DLC1: variants seen among roughly 807,000 people sequenced by gnomAD.
DLC1 encodes DLC1 Rho GTPase activating protein.
In DLC1, 54 loss-of-function variants were observed where a neutral mutation model predicts 140.3. The observed-to-expected ratio is 0.38, with a 90% CI of 0.31 to 0.48. DLC1 has a LOEUF of 0.48. Ranked by LOEUF, DLC1 falls within the 20% of genes least tolerant of loss-of-function variation. DLC1 has a pLI of 0.96. For missense variants in DLC1, 2,536 were observed against 1,907.0 expected, an observed-to-expected ratio of 1.33 and a Z score of -6.14; for synonymous variants, 986 against 728.1, an observed-to-expected ratio of 1.35 and a Z score of -5.70.
chr8:13,212,203 C>T (rs1456236425), intron 5 of DLC1, among the ~76,000 whole-genome samples: 1 of 152,122 alleles, frequency 6.6e-6, no homozygotes, highest in East Asian at 1.9e-4. Flanking sequence ...ACATACATGG[C>T]TTTTTAAAAA....
intron 2 of DLC1, among the ~76,000 whole-genome samples, chr8:13,445,281 C>A (rs1397648312): frequency 6.6e-6 from 1 of 151,950 alleles, no homozygotes; most frequent in Non-Finnish European, 1.5e-5. Context: ...ACATCTTTAA[C>A]CAGGGAACAG....
At chr8:13,363,371 G>GT (rs57084358) in intron 4 of DLC1, among the ~76,000 whole-genome samples, 65,414 of 143,964 alleles carry the variant, frequency 0.45, 15,220 homozygotes, top group East Asian at 0.76. Flanking sequence ...CATTTGCAGT[G>GT]TTTTTTTTTT....
chr8:13,452,453 C>T (rs529800930), intron 2 of DLC1, among the ~76,000 whole-genome samples: 2 of 152,230 alleles, frequency 1.3e-5, no homozygotes, highest in South Asian at 4.1e-4. Context: ...CAGATAGCCT[C>T]ATGCCCAAAT....
chr8:13,123,580 T>G (rs992369469), intron 5 of DLC1, among the ~76,000 whole-genome samples: 3 of 151,328 alleles, frequency 2.0e-5, no homozygotes, highest in Non-Finnish European at 4.4e-5. Context: ...ATTCCTGACC[T>G]CAAGTGATCT....
Position 13,401,594 on chromosome 8 carries a change from G to T in DLC1, c.1049C>A (p.Ala350Glu), listed in dbSNP as rs148727515. 6 of 1,613,452 alleles carry T rather than the reference G, an allele frequency of 3.7e-6. No homozygotes were observed. The highest frequency in any genetic ancestry group is 5.1e-6 in the Non-Finnish European group (6 of 1,179,846). Reference protein sequence around the residue: ...RKEIREDRDRARLDSMVLLIM... With the variant: ...RKEIREDRDRERLDSMVLLIM... ...CAGCAGCACCATGGAGTCCAGCCGC[G>T]CCCTATCTCGATCTTCTCTTATTTC... The change falls in exon 3 of 18, where the codon GCG becomes GAG. Residue 350 changes from alanine (A) to glutamate (E), a missense_variant. By Grantham distance (107) the Ala-to-Glu change is moderately radical (BLOSUM62 -1). Transcript: ENST00000276297.
intron 2 of DLC1, among the ~76,000 whole-genome samples, chr8:13,402,423 T>C (rs1286548812): frequency 6.6e-6 from 1 of 152,184 alleles, no homozygotes; most frequent in Non-Finnish European, 1.5e-5. Context: ...CCCTGTGTTG[T>C]ACAAGGTATT....
At position 13,589,642 on chromosome 8, in the gene DLC1, G is replaced by A. The variant is rs975857312; in HGVS notation, c.-126+14895C>T. Among the ~76,000 whole-genome samples, 3 of 149,006 alleles carry A rather than the reference G, an allele frequency of 2.0e-5. No individual in the cohort carries two copies. In the South Asian group the frequency reaches 6.3e-4, roughly 31 times the overall value. ...GCTATTTACACATTTCTTATTTGGTGAATTGTTATGTTCATCCTTTCTGCC... is the reference window on the plus strand; with the variant it reads ...GCTATTTACACATTTCTTATTTGGTAAATTGTTATGTTCATCCTTTCTGCC... On this transcript the variant is annotated intron_variant, in intron 1 of 1. Transcript: ENST00000631382.
At chr8:13,374,247 T>G (rs1835859983) in intron 4 of DLC1, among the ~76,000 whole-genome samples, 1 of 152,212 alleles carries the variant, frequency 6.6e-6, no homozygotes, top group Admixed American at 6.5e-5. Context: ...AAATCCAAGC[T>G]TCGACTTATC....
intron 2 of DLC1, among the ~76,000 whole-genome samples, chr8:13,445,803 C>G (rs192837259): frequency 9.2e-5 from 14 of 152,310 alleles, no homozygotes; most frequent in African/African-American, 3.4e-4. Flanking sequence ...CCTGAAGAAT[C>G]TGCATACTTA....
chr8:13,540,821 A>G (rs1803457388), intron 1 of DLC1, among the ~76,000 whole-genome samples: 1 of 152,228 alleles, frequency 6.6e-6, no homozygotes, highest in African/African-American at 2.4e-5. Context: ...TTTGAATGTC[A>G]GGATGGACAT....
At chr8:13,591,934 C>T (rs185577022) in intron 1 of DLC1, among the ~76,000 whole-genome samples, 47 of 151,920 alleles carry the variant, frequency 3.1e-4, no homozygotes, top group Non-Finnish European at 4.7e-4. Flanking sequence ...TTCAGTGTAC[C>T]TTGGATATTC....
chr8:13,278,597 T>A (rs542708464), intron 5 of DLC1, among the ~76,000 whole-genome samples: 1 of 152,322 alleles, frequency 6.6e-6, no homozygotes, highest in Admixed American at 6.5e-5. Flanking sequence ...GCAGCCTGGA[T>A]TCCTAACTCC....
At chr8:13,571,149 C>T (rs968980879) in intron 1 of DLC1, among the ~76,000 whole-genome samples, 2 of 152,068 alleles carry the variant, frequency 1.3e-5, no homozygotes, top group African/African-American at 4.8e-5. Context: ...ATACGAACAC[C>T]AAAGATAGTT....
At chr8:13,461,386 G>A (rs1799649779) in intron 2 of DLC1, among the ~76,000 whole-genome samples, 1 of 152,120 alleles carries the variant, frequency 6.6e-6, no homozygotes, top group Admixed American at 6.5e-5. Flanking sequence ...ATGTACAGGA[G>A]CTTCCCTCCA....
intron 5 of DLC1, among the ~76,000 whole-genome samples, chr8:13,126,368 T>TACACACACACAC (rs3065349): frequency 0.079 from 11,538 of 145,448 alleles, 549 homozygotes; most frequent in Admixed American, 0.13. Context: ...TCTCTATCCA[T>TACACACACACAC]ACACACACAC....
intron 5 of DLC1, among the ~76,000 whole-genome samples, chr8:13,118,878 G>T (rs1184123235): frequency 1.3e-5 from 2 of 152,042 alleles, no homozygotes; most frequent in Non-Finnish European, 2.9e-5. Flanking sequence ...AACTTTCTGA[G>T]TTACAGTATT....
intron 5 of DLC1, among the ~76,000 whole-genome samples, chr8:13,188,843 ATTTTTTT>A (rs869162448): frequency 0.028 from 854 of 30,614 alleles, 20 homozygotes; most frequent in African/African-American, 0.087. Flanking sequence ...ATATATATAT[ATTTTTTT>A]TTTTTTTTTT....
intron 1 of DLC1, among the ~76,000 whole-genome samples, chr8:13,526,666 G>T (rs1015170465): frequency 1.3e-5 from 2 of 151,964 alleles, no homozygotes; most frequent in African/African-American, 4.8e-5. Context: ...GCAAACTATC[G>T]CAAGGACAGA....
At chr8:13,493,535 T>C (rs1287993840) in intron 2 of DLC1, among the ~76,000 whole-genome samples, 2 of 152,218 alleles carry the variant, frequency 1.3e-5, no homozygotes, top group South Asian at 2.1e-4. Context: ...GTTCCAAACA[T>C]TGATCATGTC....
Sources: gnomAD v4.1 joint callset for allele counts (sites outside exome capture counted in the v4.1 genomes callset) on GRCh38, gnomAD v4.1.1 for gene constraint, MANE v1.5 for transcripts, NCBI Gene and HGNC (gene_info 2026-07-23, HGNC 2026-07-21) for gene names.